The following FREM1 variants were observed in gnomAD, a reference collection of about 807,000 sequenced individuals.
The protein encoded by FREM1 is FRAS1 related extracellular matrix 1, also known as FRAS1-related extracellular matrix protein 1.
In FREM1, 220 loss-of-function variants were observed where a neutral mutation model predicts 210.1. The ratio of observed to expected loss-of-function variants is 1.05; its 90% CI spans 0.94 to 1.17. The LOEUF is 1.17. Ranked by LOEUF, FREM1 falls within the 50% of genes most tolerant of loss-of-function variation. The pLI is 0.00. For missense variants in FREM1, 3,454 were observed against 2,675.5 expected (o/e 1.29, Z -6.42); for synonymous variants, 1,189 against 980.2 (o/e 1.21, Z -3.98).
chr9:14,904,821 G>C (rs1817408585), intron 1 of FREM1, among the ~76,000 whole-genome samples: 1 of 152,036 alleles, frequency 6.6e-6, no homozygotes, highest in African/African-American at 2.4e-5. Context: ...CCTTGCCACT[G>C]ACATGCTGGT....
rs1307051700 is a variant in FREM1 at position 14,829,856 on chromosome 9, CTT to C, written c.1882-4866_1882-4865del. The stretch of plus-strand genomic sequence containing the variant: ...TTATAGACCTTAAGCCTTAAGAGAT[CTT>C]AATCCAGGAGAGAGTAATATTAGAA... On this transcript the variant is annotated intron_variant, in intron 10 of 36. Transcript: ENST00000380880. 2.6e-5 allele frequency among the ~76,000 whole-genome samples: 4 copies of C among 152,120 alleles called. No homozygotes were observed. The East Asian group carries it at 7.7e-4, about 29-fold the overall frequency.
chr9:14,861,260 C>CATATAT (rs1300984934), intron 3 of FREM1, among the ~76,000 whole-genome samples: 13 of 85,422 alleles, frequency 1.5e-4, no homozygotes, highest in Admixed American at 4.9e-4. Context: ...TACATATATA[C>CATATAT]ACATATACAC....
chr9:14,856,830 C>T (rs532678638), intron 5 of FREM1, among the ~76,000 whole-genome samples: 81 of 136,728 alleles, frequency 5.9e-4, no homozygotes, highest in Admixed American at 2.3e-3. Flanking sequence ...AGCGAGACTC[C>T]GTCTCAAAAA....
intron 10 of FREM1, among the ~76,000 whole-genome samples, chr9:14,840,680 G>A (rs1825526335): frequency 1.3e-5 from 2 of 152,122 alleles, no homozygotes; most frequent in African/African-American, 4.8e-5. Flanking sequence ...TTTGGGTGGG[G>A]ACACAGCCAA....
chr9:14,907,572 C>T (rs1046429175), intron 1 of FREM1, among the ~76,000 whole-genome samples: 2 of 152,196 alleles, frequency 1.3e-5, no homozygotes, highest in East Asian at 3.8e-4. Context: ...TCCTATGTAA[C>T]CTGGCGCAGG....
At chr9:14,883,648 T>C (rs944266846) in intron 1 of FREM1, among the ~76,000 whole-genome samples, 1 of 152,246 alleles carries the variant, frequency 6.6e-6, no homozygotes, top group African/African-American at 2.4e-5. Context: ...CACCTCAAAA[T>C]GAGACGGTAA....
intron 1 of FREM1, among the ~76,000 whole-genome samples, chr9:14,892,928 G>A (rs1200044104): frequency 6.6e-6 from 1 of 152,158 alleles, no homozygotes; most frequent in Non-Finnish European, 1.5e-5. Context: ...TCAGAGGTTG[G>A]ATTAACAATG....
rs558317570 is a variant in FREM1 at position 14,742,351 on chromosome 9, T to C, written c.6255-2117A>G. 3.3e-5 allele frequency among the ~76,000 whole-genome samples: 5 copies of C among 152,278 alleles called. No individual in the cohort carries two copies. In the South Asian group the frequency reaches 6.2e-4, roughly 19 times the overall value. Reference sequence around the variant, plus strand: ...CCTGCGGGAAAACAAAATGGCTTCATAGATAATGCTCTATAATAATATAAT... The same window carrying C: ...CCTGCGGGAAAACAAAATGGCTTCACAGATAATGCTCTATAATAATATAAT... On this transcript the variant is annotated intron_variant, in intron 35 of 36. Coordinates refer to ENST00000380880, the MANE Select transcript of FREM1 (RefSeq NM_001379081.2).
At chr9:14,793,570 C>T (rs1219509321) in intron 21 of FREM1, among the ~76,000 whole-genome samples, 1 of 152,190 alleles carries the variant, frequency 6.6e-6, no homozygotes, top group Admixed American at 6.5e-5. Flanking sequence ...GGTGCTGCTG[C>T]CTTCACAGCC....
At chr9:14,860,926 TACAC>T (rs1192221606) in intron 3 of FREM1, among the ~76,000 whole-genome samples, 1 of 124,494 alleles carries the variant, frequency 8.0e-6, no homozygotes, top group Admixed American at 8.4e-5. Flanking sequence ...TACACATATA[TACAC>T]ATATACACAC....
Position 14,851,319 on chromosome 9 carries a change from G to T in FREM1, c.1117C>A (p.Pro373Thr). 1.2e-6 allele frequency: 2 copies of T among 1,603,446 alleles called. No homozygotes were observed. The highest frequency in any genetic ancestry group is 1.7e-6 in the Non-Finnish European group (2 of 1,173,314). Residue 373 changes from proline (P) to threonine (T), a missense_variant, in exon 6 of 37, where the codon CCA (proline) becomes ACA (threonine). Transcript: ENST00000380880. Reference protein sequence around the residue: ...LSDMQIAYQPPNSSHSERRHD... With the variant: ...LSDMQIAYQPTNSSHSERRHD... ...CTCCTCTCAGAATGGCTGCTGTTTG[G>T]TGGCTGATAGGCGATCTGCATGTCA...
chr9:14,898,669 G>T (rs1198071166), intron 1 of FREM1, among the ~76,000 whole-genome samples: 1 of 152,170 alleles, frequency 6.6e-6, no homozygotes, highest in African/African-American at 2.4e-5. Flanking sequence ...TTGAACCCAA[G>T]AGGCGGAGGT....
At chr9:14,870,676 T>C (rs1832488924) in intron 1 of FREM1, among the ~76,000 whole-genome samples, 1 of 152,036 alleles carries the variant, frequency 6.6e-6, no homozygotes, top group African/African-American at 2.4e-5. Context: ...TATTATACTT[T>C]AAGTTTTAGG....
intron 16 of FREM1, 54 bp from the exon 17 acceptor site, chr9:14,808,188 A>G: frequency 8.5e-7 from 1 of 1,182,962 alleles, no homozygotes; most frequent in Non-Finnish European, 1.2e-6. Context: ...TAGAATACCA[A>G]GATGAAATCT....
chr9:14,792,366 G>T (rs1373202615), intron 22 of FREM1, among the ~76,000 whole-genome samples: 1 of 151,600 alleles, frequency 6.6e-6, no homozygotes, highest in Non-Finnish European at 1.5e-5. Context: ...TTATAATTGA[G>T]ATGATGGATG....
At chr9:14,861,287 A>ATG in intron 3 of FREM1, among the ~76,000 whole-genome samples, 1 of 79,914 alleles carries the variant, frequency 1.3e-5, no homozygotes, top group South Asian at 3.6e-4. Flanking sequence ...ACATATATAC[A>ATG]TATATACATA....
At chr9:14,903,190 G>C (rs1280123621) in intron 1 of FREM1, among the ~76,000 whole-genome samples, 1 of 152,146 alleles carries the variant, frequency 6.6e-6, no homozygotes, top group African/African-American at 2.4e-5. Flanking sequence ...GTCTCATTTA[G>C]ATCTAATGTG....
chr9:14,748,021 G>C (rs953912658), intron 31 of FREM1, among the ~76,000 whole-genome samples: 5 of 152,102 alleles, frequency 3.3e-5, no homozygotes, highest in African/African-American at 1.2e-4. Context: ...ACACGCGTGT[G>C]CACATATGAG....
chr9:14,799,000 C>T (rs569427123), intron 20 of FREM1, among the ~76,000 whole-genome samples: 16 of 151,918 alleles, frequency 1.1e-4, no homozygotes, highest in Admixed American at 9.8e-4. Flanking sequence ...AAGAAGAGGC[C>T]AGTTATGGTG....
Sources: allele counts gnomAD v4.1 joint callset (sites outside exome capture counted in the v4.1 genomes callset), GRCh38; gene constraint gnomAD v4.1.1; transcripts MANE v1.5; gene names NCBI Gene and HGNC (gene_info 2026-07-23, HGNC 2026-07-21).